ACSS2: variants seen among roughly 807,000 people sequenced by gnomAD.
The protein encoded by ACSS2 is acetyl-coenzyme A synthetase, cytoplasmic.
In ACSS2, 58 loss-of-function variants were observed where a neutral mutation model predicts 90.6. That is an observed-to-expected ratio of 0.64 (90% CI 0.52 to 0.80). The LOEUF (loss-of-function observed/expected upper bound fraction) is 0.80. Ranked by LOEUF, ACSS2 falls within the 30% of genes least tolerant of loss-of-function variation. ACSS2 has a pLI of 0.00. For missense variants in ACSS2, 759 were observed against 912.0 expected, an observed-to-expected ratio of 0.83 and a Z score of 2.16; for synonymous variants, 300 against 330.9, an observed-to-expected ratio of 0.91 and a Z score of 1.01.
At chr20:34,920,008 GT>G (rs2081161635) in intron 8 of ACSS2, among the ~76,000 whole-genome samples, 2 of 152,088 alleles carry the variant, frequency 1.3e-5, no homozygotes, top group Non-Finnish European at 2.9e-5. Flanking sequence ...TAAGAAAACT[GT>G]TTCTTCCATT....
chr20:34,900,024 C>T (rs2147029812), intron 2 of ACSS2, among the ~76,000 whole-genome samples: 1 of 152,248 alleles, frequency 6.6e-6, no homozygotes, highest in South Asian at 2.1e-4. Flanking sequence ...TTTTATATTC[C>T]CGGCAATGTA....
chr20:34,881,518 C>T (rs1458745717), intron 1 of ACSS2, among the ~76,000 whole-genome samples: 3 of 152,116 alleles, frequency 2.0e-5, no homozygotes, highest in Non-Finnish European at 2.9e-5. Context: ...ATACCAAATT[C>T]CTTATTATAC....
chr20:34,920,690 A>G lies in ACSS2; in HGVS notation c.1124A>G (p.Asn375Ser). 1 of 1,613,038 alleles carries G rather than the reference A, an allele frequency of 6.2e-7. No individual in the cohort carries two copies. The highest frequency in any genetic ancestry group is 8.5e-7 in the Non-Finnish European group (1 of 1,179,386). Residue 375 changes from asparagine to serine, a missense_variant, in exon 9 of 18, where the codon AAT becomes AGT. Coordinates refer to ENST00000360596, the MANE Select transcript of ACSS2 (RefSeq NM_018677.4). Reference protein sequence around the residue: ...HSYVTYGPLANGATSVLFEGI... With the variant: ...HSYVTYGPLASGATSVLFEGI... ...TACGTCACCTATGGGCCACTGGCCA[A>G]TGGTGCCACCAGTGTTTTGGTGAGA...
chr20:34,913,234 A>G lies in ACSS2; in HGVS notation c.466+47A>G, dbSNP rs538187001. 3.8e-6 allele frequency: 6 copies of G among 1,584,024 alleles called. No individual in the cohort carries two copies. The East Asian group carries it at 1.3e-4, about 35-fold the overall frequency. On this transcript the variant is annotated intron_variant, in intron 3 of 17. Coordinates refer to ENST00000360596, the MANE Select transcript of ACSS2 (RefSeq NM_018677.4). ...AGGACTGGGGGTCTGGCCTTGGGGT[A>G]TCTGAGTATCTGAGACTTATGGGGA... is the stretch of plus-strand genomic sequence containing the variant.
chr20:34,910,693 T>C (rs1476792717), intron 2 of ACSS2, among the ~76,000 whole-genome samples: 1 of 152,166 alleles, frequency 6.6e-6, no homozygotes. Flanking sequence ...GGTTTGCCAG[T>C]AGGCAGGGTG....
intron 1 of ACSS2, among the ~76,000 whole-genome samples, chr20:34,881,871 A>G (rs2080077454): frequency 6.6e-6 from 1 of 152,238 alleles, no homozygotes; most frequent in African/African-American, 2.4e-5. Flanking sequence ...TTTGGCACAT[A>G]GTGAATAACA....
intron 3 of ACSS2, 86 bp downstream of exon 3, chr20:34,913,273 G>A: frequency 3.2e-6 from 5 of 1,561,132 alleles, no homozygotes; most frequent in Non-Finnish European, 4.4e-6. Context: ...GGCAAGGGAT[G>A]GAAAGAATTT....
chr20:34,911,016 A>C (rs985839314), intron 2 of ACSS2, among the ~76,000 whole-genome samples: 1 of 150,958 alleles, frequency 6.6e-6, no homozygotes, highest in Non-Finnish European at 1.5e-5. Flanking sequence ...TTTTTTTAGC[A>C]ATGAGGTTTT....
intron 14 of ACSS2, among the ~76,000 whole-genome samples, chr20:34,924,610 A>G (rs1054410030): frequency 4.6e-5 from 7 of 152,304 alleles, no homozygotes; most frequent in Admixed American, 3.9e-4. Context: ...AGACGTACAT[A>G]ATACAGGGAG....
chr20:34,903,555 T>C (rs907474264), intron 2 of ACSS2, among the ~76,000 whole-genome samples: 10 of 152,026 alleles, frequency 6.6e-5, no homozygotes, highest in Admixed American at 5.2e-4. Flanking sequence ...AACAGTTCAG[T>C]GTTCCTCTCA....
At chr20:34,917,628 G>A (rs2081101508) in intron 7 of ACSS2, among the ~76,000 whole-genome samples, 1 of 152,166 alleles carries the variant, frequency 6.6e-6, no homozygotes, top group Non-Finnish European at 1.5e-5. Flanking sequence ...CTACCTGCCA[G>A]CCAGGGCCAT....
intron 2 of ACSS2, among the ~76,000 whole-genome samples, chr20:34,899,970 C>G (rs1180541212): frequency 1.3e-5 from 2 of 152,068 alleles, no homozygotes; most frequent in Non-Finnish European, 2.9e-5. Context: ...CTATATTTAA[C>G]CTATTGAGGA....
intron 2 of ACSS2, among the ~76,000 whole-genome samples, chr20:34,910,762 C>T (rs192207636): frequency 4.6e-5 from 7 of 152,266 alleles, no homozygotes; most frequent in Admixed American, 3.9e-4. Context: ...TGTAGTCCCA[C>T]TTGTATGTAT....
At chr20:34,900,476 A>G (rs888775158) in intron 2 of ACSS2, among the ~76,000 whole-genome samples, 2 of 152,056 alleles carry the variant, frequency 1.3e-5, no homozygotes, top group South Asian at 2.1e-4. Context: ...CACCTGGCCC[A>G]TTAACTGCCT....
chr20:34,890,282 T>A (rs923501637), intron 2 of ACSS2, among the ~76,000 whole-genome samples: 1 of 152,182 alleles, frequency 6.6e-6, no homozygotes. Flanking sequence ...AAGGGCTAAA[T>A]TTTCCCTGCA....
intron 8 of ACSS2, 81 bp downstream of exon 8, chr20:34,919,653 A>C (rs1031376923): frequency 4.7e-6 from 7 of 1,489,084 alleles, no homozygotes; most frequent in Non-Finnish European, 5.4e-6. Flanking sequence ...GTTTCTGAGG[A>C]AACAAGTAAT....
chr20:34,908,815 C>T (rs1004120105), intron 2 of ACSS2: 8 of 383,848 alleles, frequency 2.1e-5, no homozygotes, highest in African/African-American at 6.7e-5. Flanking sequence ...GAGCCAAGAT[C>T]GCGCCATTTT....
chr20:34,922,523 G>A (rs908066371), intron 13 of ACSS2, among the ~76,000 whole-genome samples: 5 of 152,184 alleles, frequency 3.3e-5, no homozygotes. Context: ...AGAATCACTT[G>A]AACCGGGGAG....
intron 2 of ACSS2, among the ~76,000 whole-genome samples, chr20:34,894,779 G>C (rs2080423502): frequency 1.3e-5 from 2 of 152,228 alleles, no homozygotes; most frequent in African/African-American, 2.4e-5. Flanking sequence ...TAGCCATGCT[G>C]TACTTGCTAA....
Sources: gnomAD v4.1 joint callset for allele counts (sites outside exome capture counted in the v4.1 genomes callset) on GRCh38, gnomAD v4.1.1 for gene constraint, MANE v1.5 for transcripts, NCBI Gene and HGNC (gene_info 2026-07-23, HGNC 2026-07-21) for gene names.